Variants in DPYD observed in about 807,000 individuals in gnomAD.
DPYD encodes the protein dihydropyrimidine dehydrogenase [NADP(+)].
A neutral mutation model predicts 116.2 loss-of-function variants in DPYD; 109 were observed. The observed-to-expected ratio is 0.94, with a 90% CI of 0.80 to 1.10. The LOEUF (loss-of-function observed/expected upper bound fraction) is 1.10. DPYD is among the 50% of genes least tolerant of loss of function. DPYD has a pLI of 0.00. For missense variants in DPYD, 1,302 were observed against 1,254.5 expected (o/e 1.04, Z -0.57); for synonymous variants, 440 against 432.0 (o/e 1.02, Z -0.23).
intron 3 of DPYD, among the ~76,000 whole-genome samples, chr1:97,783,040 G>C (rs892732831): frequency 3.9e-5 from 6 of 152,202 alleles, no homozygotes; most frequent in Non-Finnish European, 1.5e-5. Context: ...AATGCTAGCT[G>C]TTATAATCCC....
rs150328218 is a variant in DPYD at position 97,251,717 on chromosome 1, G to A, written c.2300-16723C>T. Among the ~76,000 whole-genome samples the A allele has an allele frequency of 4.5e-4, 68 of 152,228 alleles. 1 individual carries two copies. In the East Asian group the frequency reaches 7.7e-3, roughly 17 times the overall value. On this transcript the variant is annotated intron_variant, in intron 18 of 22. Transcript: ENST00000370192. ...TAGTTACTAAGAATAAGGACACATG[G>A]AGTACAAAATGATGAGCATATAAAG... is the stretch of plus-strand genomic sequence containing the variant.
At chr1:97,820,160 C>A (rs1049675413) in intron 3 of DPYD, among the ~76,000 whole-genome samples, 1 of 152,018 alleles carries the variant, frequency 6.6e-6, no homozygotes, top group African/African-American at 2.4e-5. Flanking sequence ...ATTAACATAA[C>A]CCAAATCATA....
chr1:97,314,494 T>TC (rs1667700817), intron 16 of DPYD, among the ~76,000 whole-genome samples: 1 of 148,340 alleles, frequency 6.7e-6, no homozygotes, highest in Non-Finnish European at 1.5e-5. Context: ...AGCTTTCTTT[T>TC]TTTTTTTTTT....
intron 5 of DPYD, 73 bp downstream of exon 5, chr1:97,721,437 G>C: frequency 6.4e-7 from 1 of 1,572,860 alleles, no homozygotes. Flanking sequence ...AGAGCACCAA[G>C]GATTAAAGTT....
intron 3 of DPYD, among the ~76,000 whole-genome samples, chr1:97,810,683 C>T (rs755568957): frequency 2.6e-5 from 4 of 152,118 alleles, no homozygotes; most frequent in Non-Finnish European, 5.9e-5. Flanking sequence ...GTATGACAGG[C>T]TCCCATGCAG....
At chr1:97,151,157 T>G (rs372420343) in intron 20 of DPYD, among the ~76,000 whole-genome samples, 1 of 152,238 alleles carries the variant, frequency 6.6e-6, no homozygotes, top group African/African-American at 2.4e-5. Context: ...TGAAATGTGT[T>G]CCTTTTAAAA....
intron 3 of DPYD, among the ~76,000 whole-genome samples, chr1:97,754,949 C>T (rs145744306): frequency 2.6e-4 from 39 of 152,256 alleles, no homozygotes; most frequent in African/African-American, 7.0e-4. Context: ...TTTGTTTCTT[C>T]GGGACGAATA....
In DPYD at chr1:97,131,745, G is replaced by A. The variant is rs1032195004; in HGVS notation, c.2623-33113C>T. On this transcript the variant is annotated intron_variant, in intron 20 of 22. Transcript: ENST00000370192. ...CTGAGGAGTTCAAAGTAGAGACTCC[G>A]AAGAATGAAGAGTGCAATACGCCAA... 2.4e-4 allele frequency among the ~76,000 whole-genome samples: 36 copies of A among 152,088 alleles called. 1 individual carries two copies. Among genetic ancestry groups the A allele is most frequent in the Admixed American group, 2.0e-3 (31 of 15,266 alleles).
At chr1:97,648,897 G>C (rs1390376612) in intron 8 of DPYD, among the ~76,000 whole-genome samples, 2 of 152,018 alleles carry the variant, frequency 1.3e-5, no homozygotes, top group Non-Finnish European at 2.9e-5. Flanking sequence ...TTCAGTCAGA[G>C]AAGATTCCCC....
chr1:97,216,781 C>T (rs184690885), intron 19 of DPYD, among the ~76,000 whole-genome samples: 32 of 151,962 alleles, frequency 2.1e-4, no homozygotes, highest in African/African-American at 5.5e-4. Flanking sequence ...GGTGACAGAG[C>T]GACACTCGTC....
At chr1:97,472,490 T>C (rs561963136) in intron 13 of DPYD, among the ~76,000 whole-genome samples, 6 of 152,220 alleles carry the variant, frequency 3.9e-5, no homozygotes, top group Non-Finnish European at 8.8e-5. Flanking sequence ...GTTATTTGGA[T>C]GTGAGGGACA....
At chr1:97,839,153 T>C (rs1669919136) in intron 2 of DPYD, among the ~76,000 whole-genome samples, 1 of 152,232 alleles carries the variant, frequency 6.6e-6, no homozygotes, top group Non-Finnish European at 1.5e-5. Context: ...ACAAACATAC[T>C]ATTAACCTTC....
intron 15 of DPYD, among the ~76,000 whole-genome samples, chr1:97,374,332 T>A (rs1455352855): frequency 1.3e-5 from 2 of 152,210 alleles, no homozygotes; most frequent in Non-Finnish European, 2.9e-5. Flanking sequence ...ATGAACAACA[T>A]AATTCATTCT....
chr1:97,902,530 T>A (rs957232702), intron 1 of DPYD, among the ~76,000 whole-genome samples: 1 of 151,870 alleles, frequency 6.6e-6, no homozygotes, highest in African/African-American at 2.4e-5. Flanking sequence ...ACATGTCAAG[T>A]AATTCTTTAA....
intron 14 of DPYD, among the ~76,000 whole-genome samples, chr1:97,417,904 AC>A (rs947944500): frequency 6.6e-6 from 1 of 152,228 alleles, no homozygotes; most frequent in Non-Finnish European, 1.5e-5. Context: ...CTAGATGGAT[AC>A]AGACATATTA....
chr1:97,526,547 A>G (rs1649112590), intron 12 of DPYD, among the ~76,000 whole-genome samples: 1 of 152,216 alleles, frequency 6.6e-6, no homozygotes, highest in Non-Finnish European at 1.5e-5. Context: ...GAAATTACAC[A>G]GAGCATTCAA....
At chr1:97,802,536 G>C (rs937634152) in intron 3 of DPYD, among the ~76,000 whole-genome samples, 2 of 151,700 alleles carry the variant, frequency 1.3e-5, no homozygotes, top group Admixed American at 1.3e-4. Flanking sequence ...ACTACTCAAA[G>C]CACAATTTTC....
chr1:97,716,836 G>A (rs1182715505), intron 5 of DPYD, among the ~76,000 whole-genome samples: 2 of 151,862 alleles, frequency 1.3e-5, no homozygotes, highest in African/African-American at 4.8e-5. Flanking sequence ...GGAATATCAT[G>A]GCCTTTAGCA....
At chr1:97,163,230 T>C (rs867839541) in intron 20 of DPYD, among the ~76,000 whole-genome samples, 18 of 152,062 alleles carry the variant, frequency 1.2e-4, no homozygotes, top group Admixed American at 1.0e-3. Context: ...GCAACCTACT[T>C]ATCTGACAAA....
Sources: allele counts gnomAD v4.1 joint callset (sites outside exome capture counted in the v4.1 genomes callset), GRCh38; gene constraint gnomAD v4.1.1; transcripts MANE v1.5; gene names NCBI Gene and HGNC (gene_info 2026-07-23, HGNC 2026-07-21).